Variants in WWTR1 observed in about 807,000 individuals in gnomAD.
The protein encoded by WWTR1 is WW domain-containing transcription regulator protein 1.
WWTR1 carries 13 observed loss-of-function variants against 40.1 expected under a neutral mutation model. That is an observed-to-expected ratio of 0.32 (90% confidence interval 0.21 to 0.52). WWTR1 has a LOEUF of 0.52. Among genes scored for constraint, WWTR1 ranks in the 20% least tolerant of loss-of-function variants. The pLI, the probability that WWTR1 is intolerant of heterozygous loss-of-function variation, is 0.97. For missense variants in WWTR1, 436 were observed against 523.1 expected (o/e 0.83, Z 1.63); for synonymous variants, 230 against 210.1 (o/e 1.09, Z -0.82).
chr3:149,602,558 A>G (rs1363730258), intron 2 of WWTR1, among the ~76,000 whole-genome samples: 1 of 152,206 alleles, frequency 6.6e-6, no homozygotes, highest in East Asian at 1.9e-4. Context: ...TCTAGTGTTG[A>G]TCATTGCCCT....
intron 5 of WWTR1, among the ~76,000 whole-genome samples, chr3:149,713,391 A>AT (rs963261881): frequency 1.3e-5 from 2 of 150,508 alleles, no homozygotes; most frequent in Admixed American, 6.6e-5. Flanking sequence ...TTTTGTTTTT[A>AT]TTTTTTTGAG....
intron 1 of WWTR1, among the ~76,000 whole-genome samples, chr3:149,672,004 G>A (rs1054306672): frequency 2.0e-5 from 3 of 152,118 alleles, no homozygotes; most frequent in South Asian, 2.1e-4. Flanking sequence ...ATAGTGATGA[G>A]GGGAACCTAA....
chr3:149,700,223 T>C (rs1715128205), intron 1 of WWTR1, among the ~76,000 whole-genome samples: 1 of 152,118 alleles, frequency 6.6e-6, no homozygotes, highest in Non-Finnish European at 1.5e-5. Flanking sequence ...TCCCAGCACT[T>C]TGGGAGGCTG....
intron 2 of WWTR1, among the ~76,000 whole-genome samples, chr3:149,591,920 A>G (rs190371555): frequency 1.6e-4 from 24 of 152,330 alleles, no homozygotes; most frequent in Admixed American, 1.1e-3. Flanking sequence ...TAGTGAATAC[A>G]AAGTCATTGT....
chr3:149,543,970 G>A (rs1175717691), intron 3 of WWTR1, among the ~76,000 whole-genome samples: 1 of 151,322 alleles, frequency 6.6e-6, no homozygotes, highest in South Asian at 2.1e-4. Flanking sequence ...GTTTCACTAT[G>A]TTGCCTAGGC....
In WWTR1 at chr3:149,679,177, C is replaced by T. The variant is rs1266601149; in HGVS notation, c.-107-9286G>A. On this transcript the variant is annotated intron_variant, in intron 1 of 7. Transcript: ENST00000465804. ...AATTTATAAAAGTAGAATATTTCAA[C>T]TGCAATCAGTAAAGGTTGTTGTTTT... Among the ~76,000 whole-genome samples, 4 of 151,776 alleles carry T rather than the reference C, an allele frequency of 2.6e-5. No homozygotes were observed. In the East Asian group the frequency reaches 7.8e-4, roughly 30 times the overall value.
intron 2 of WWTR1, among the ~76,000 whole-genome samples, chr3:149,583,683 G>T (rs1738263566): frequency 6.6e-6 from 1 of 152,196 alleles, no homozygotes; most frequent in Non-Finnish European, 1.5e-5. Flanking sequence ...ATGAAGTGAT[G>T]CTGTACCCAA....
rs1292664163 is a variant in WWTR1, at chr3:149,538,482, T to G, written c.771+3853A>C. ...GTTAGATTCCTGGTACCCCTCCACT[T>G]GAAGTGTCTGCCGCATTCCAAGATA... On this transcript the variant is annotated intron_variant, in intron 4 of 6. Transcript: ENST00000360632. 2.0e-5 allele frequency among the ~76,000 whole-genome samples: 3 copies of G among 152,310 alleles called. No individual in the cohort carries two copies. The East Asian group carries it at 5.8e-4, about 29-fold the overall frequency.
At chr3:149,618,695 C>A (rs1379008854) in intron 2 of WWTR1, among the ~76,000 whole-genome samples, 1 of 152,124 alleles carries the variant, frequency 6.6e-6, no homozygotes, top group Non-Finnish European at 1.5e-5. Flanking sequence ...GGAGAAAAAC[C>A]TTAAAATAGG....
chr3:149,558,191 T>C (rs191889799), intron 3 of WWTR1, among the ~76,000 whole-genome samples: 5 of 151,986 alleles, frequency 3.3e-5, no homozygotes, highest in Admixed American at 2.6e-4. Flanking sequence ...CAGAATGAAG[T>C]GAAGGAGAAA....
chr3:149,673,892 T>C (rs1243295810), intron 1 of WWTR1, among the ~76,000 whole-genome samples: 3 of 151,910 alleles, frequency 2.0e-5, no homozygotes, highest in Non-Finnish European at 4.4e-5. Context: ...AAGGAGAAGA[T>C]AGGCTGTTTT....
chr3:149,610,220 GT>G (rs1739671193), intron 2 of WWTR1, among the ~76,000 whole-genome samples: 4 of 152,256 alleles, frequency 2.6e-5, no homozygotes, highest in Middle Eastern at 3.4e-3. Flanking sequence ...CAACTTTCCA[GT>G]TTTCCAATTA....
chr3:149,597,432 CAAA>C (rs1253950023), intron 2 of WWTR1, among the ~76,000 whole-genome samples: 4 of 51,838 alleles, frequency 7.7e-5, no homozygotes, highest in African/African-American at 1.4e-4. Context: ...CCCAGCTCTA[CAAA>C]AAAAAAAAAA....
chr3:149,695,740 G>A (rs535489704), intron 1 of WWTR1, among the ~76,000 whole-genome samples: 8 of 137,834 alleles, frequency 5.8e-5, no homozygotes, highest in African/African-American at 2.2e-4. Context: ...CAGCCTGGGC[G>A]ACAGAGCAAG....
rs1353060741 is a variant in WWTR1 at position 149,651,833 on chromosome 3, T to TC, written c.431+5042_431+5043insG. 4.8e-5 allele frequency among the ~76,000 whole-genome samples: 7 copies of TC among 146,052 alleles called. No homozygotes were observed. In the East Asian group the frequency reaches 7.9e-4, roughly 17 times the overall value. On this transcript the variant is annotated intron_variant, in intron 2 of 6. Transcript: ENST00000360632. The stretch of plus-strand genomic sequence containing the variant: ...TAAATGTTGCCTATGGATTTTCTTT[T>TC]TTTTTTTTTTTTTTGAGATGGAGTC...
At chr3:149,584,709 G>T (rs968920765) in intron 2 of WWTR1, among the ~76,000 whole-genome samples, 1 of 152,168 alleles carries the variant, frequency 6.6e-6, no homozygotes, top group Non-Finnish European at 1.5e-5. Context: ...GGCATCTTCA[G>T]TCGAAAATAT....
intron 3 of WWTR1, among the ~76,000 whole-genome samples, chr3:149,543,194 G>A (rs1014247684): frequency 6.6e-6 from 1 of 152,198 alleles, no homozygotes; most frequent in East Asian, 1.9e-4. Context: ...TGCTAAACAT[G>A]TTGTGCCTGG....
At chr3:149,713,884 G>A (rs549211656) in intron 5 of WWTR1, among the ~76,000 whole-genome samples, 1 of 152,154 alleles carries the variant, frequency 6.6e-6, no homozygotes, top group African/African-American at 2.4e-5. Flanking sequence ...AGTTGGGTGG[G>A]ACTTGATCCC....
chr3:149,692,498 A>G (rs1219291952), intron 1 of WWTR1, among the ~76,000 whole-genome samples: 2 of 152,184 alleles, frequency 1.3e-5, no homozygotes, highest in Non-Finnish European at 2.9e-5. Context: ...TGAGGAATAT[A>G]CCTCAACACG....
Sources: gnomAD v4.1 joint callset for allele counts (sites outside exome capture counted in the v4.1 genomes callset) on GRCh38, gnomAD v4.1.1 for gene constraint, MANE v1.5 for transcripts, NCBI Gene and HGNC (gene_info 2026-07-23, HGNC 2026-07-21) for gene names.